ZSWIM9: variants seen among roughly 807,000 people sequenced by gnomAD.
ZSWIM9 encodes the protein uncharacterized protein ZSWIM9.
ZSWIM9 carries 11 observed loss-of-function variants against 25.0 expected under a neutral mutation model. The ratio of observed to expected loss-of-function variants is 0.44; its 90% CI spans 0.28 to 0.73. The LOEUF (loss-of-function observed/expected upper bound fraction) is 0.73, where lower values mean the gene tolerates loss of function less well. Ranked by LOEUF, ZSWIM9 falls within the 30% of genes least tolerant of loss-of-function variation. The probability of loss-of-function intolerance (pLI) is 0.16; values close to 1 mark genes in which losing one functional copy is unlikely to be tolerated. For synonymous variants in ZSWIM9, 562 were observed against 582.1 expected, an observed-to-expected ratio of 0.97 and a Z score of 0.50; for missense variants, 1,070 against 1,296.5, an observed-to-expected ratio of 0.83 and a Z score of 2.68.
At chr19:48,192,102 C>T (rs191817782) in intron 3 of ZSWIM9, 2 of 154,396 alleles carry the variant, frequency 1.3e-5, no homozygotes, top group East Asian at 1.9e-4. Context: ...TTTGCACACC[C>T]GAAACCTTCT....
Position 48,195,035 on chromosome 19 carries a change from C to G in ZSWIM9, c.971C>G (p.Thr324Arg). ...VQICRAQGLE[T>R]LFSKAQELGG... ...ATCTGCCGCGCGCAGGGCCTGGAGA[C>G]GCTCTTCAGCAAGGCGCAGGAGCTG... Residue 324 changes from threonine (T) to arginine (R), a missense_variant, in exon 4 of 4, where the codon ACG (threonine) becomes AGG (arginine). Coordinates refer to ENST00000614654, the MANE Select transcript of ZSWIM9 (RefSeq NM_199341.4). The surrounding 1 kb of genome is among the most constrained non-coding windows in gnomAD (Gnocchi z 5.8). The G allele has an allele frequency of 7.2e-7, 1 of 1,380,006 alleles. No homozygotes were observed. The highest frequency in any genetic ancestry group is 1.5e-5 in the South Asian group (1 of 68,650). The allele number at this position is 1,380,006 out of a possible 1,614,324, so 85.5% of individuals were successfully genotyped here. A position where few individuals can be genotyped will look rare whatever the true frequency, so the allele number is the denominator to read the frequency against.
chr19:48,182,958 G>A lies in ZSWIM9; in HGVS notation c.588+191G>A. On this transcript the variant is annotated intron_variant, in intron 3 of 3. Coordinates refer to ENST00000614654, the MANE Select transcript of ZSWIM9 (RefSeq NM_199341.4). This position sits in a 1 kb window ranked among gnomAD's most constrained non-coding sequence, Gnocchi z 4.6. ...AGCAAACCAGACCCACGTGGTCTCTGTCCGCAGAGAGCTTACCTTCTAGGG... is the reference window on the plus strand; with the variant it reads ...AGCAAACCAGACCCACGTGGTCTCTATCCGCAGAGAGCTTACCTTCTAGGG... 1 of 595,928 alleles carries A rather than the reference G, an allele frequency of 1.7e-6. No homozygotes were observed. The highest frequency in any genetic ancestry group is 3.0e-6 in the Non-Finnish European group (1 of 335,500). The allele number at this position is 595,928 out of a possible 1,614,324, so 36.9% of individuals were successfully genotyped here.
At chr19:48,172,683 A>G (rs1212666161) in intron 2 of ZSWIM9, among the ~76,000 whole-genome samples, 1 of 151,950 alleles carries the variant, frequency 6.6e-6, no homozygotes, top group African/African-American at 2.4e-5. Flanking sequence ...CGCCTGGCCA[A>G]TTTTTGGATT....
intron 3 of ZSWIM9, chr19:48,187,591 A>ATATTATATATTATAT (rs1568579931): frequency 7.3e-5 from 3 of 40,894 alleles, no homozygotes; most frequent in East Asian, 1.2e-3. Context: ...TATATTATAT[A>ATATTATATATTATAT]ATATAATATT....
chr19:48,195,828 A>C lies in ZSWIM9; in HGVS notation c.1764A>C (p.Arg588Ser). The part of the protein sequence containing the change: ...RGSQLEDQAL[R>S]GLEGYTWRVA... The stretch of plus-strand genomic sequence containing the variant: ...CCCAGTTGGAGGACCAGGCGCTAAG[A>C]GGATTGGAAGGGTATACCTGGAGGG... Residue 588 changes from arginine (R) to serine (S), a missense_variant, in exon 4 of 4, where the codon AGA becomes AGC. This residue lies in a region of ZSWIM9 where 583 missense variants were observed against 624.7 expected (regional missense o/e 0.93). Coordinates refer to ENST00000614654, the MANE Select transcript of ZSWIM9 (RefSeq NM_199341.4). This position sits in a 1 kb window ranked among gnomAD's most constrained non-coding sequence, Gnocchi z 5.8. The C allele has an allele frequency of 6.8e-7, 1 of 1,476,394 alleles. No homozygotes were observed. Among genetic ancestry groups the C allele is most frequent in the African/African-American group, 1.4e-5 (1 of 70,086 alleles). The allele number at this position is 1,476,394 out of a possible 1,614,324, so 91.5% of individuals were successfully genotyped here.
intron 3 of ZSWIM9, among the ~76,000 whole-genome samples, chr19:48,187,939 AATAGATAGATAGATAGATAG>A (rs58658973): frequency 0.018 from 2,587 of 140,260 alleles, 82 homozygotes; most frequent in African/African-American, 0.064. Context: ...AGACCCTTTA[AATAGATAGATAGATAGATAG>A]ATAGATAGAT....
Position 48,192,928 on chromosome 19 carries a change from G to A in ZSWIM9, c.589-1725G>A, listed in dbSNP as rs76879481. 1.0e-2 allele frequency: 1,542 copies of A among 154,564 alleles called. 19 individuals carry two copies. The highest frequency in any genetic ancestry group is 0.062 in the Middle Eastern group (112 of 1,792). 9.6% of individuals were successfully genotyped at this position (154,564 alleles called of 1,614,324 possible). On this transcript the variant is annotated intron_variant, in intron 3 of 3. Transcript: ENST00000614654. ...AGACCAGCATGAGCTGCCAGATGTC[G>A]TCTCTCAGTGAAGTCCCATGGACAG...
rs2123249058 is a variant in ZSWIM9, at chr19:48,182,303, C to A, written c.276-152C>A. The A allele has an allele frequency of 1.5e-6, 1 of 664,656 alleles. No homozygotes were observed. Among genetic ancestry groups the A allele is most frequent in the Non-Finnish European group, 2.5e-6 (1 of 397,510 alleles). 41.2% of individuals were successfully genotyped at this position (664,656 alleles called of 1,614,324 possible). A position where few individuals can be genotyped will look rare whatever the true frequency, so the allele number is the denominator to read the frequency against. ...AGGCATAGAGACTTGAAGTGACTTGCCCCAGGTCACACAGCTGGCATATTC... is the reference window on the plus strand; with the variant it reads ...AGGCATAGAGACTTGAAGTGACTTGACCCAGGTCACACAGCTGGCATATTC... On this transcript the variant is annotated intron_variant, in intron 2 of 3. Coordinates refer to ENST00000614654, the MANE Select transcript of ZSWIM9 (RefSeq NM_199341.4). The surrounding 1 kb of genome is among the most constrained non-coding windows in gnomAD (Gnocchi z 4.6).
In ZSWIM9 at chr19:48,195,662, C is replaced by T; in HGVS notation, c.1598C>T (p.Pro533Leu). 3 of 1,427,158 alleles carry T rather than the reference C, an allele frequency of 2.1e-6. No individual in the cohort carries two copies. Among genetic ancestry groups the T allele is most frequent in the Non-Finnish European group, 2.7e-6 (3 of 1,097,260 alleles). 88.4% of individuals were successfully genotyped at this position (1,427,158 alleles called of 1,614,324 possible). Residue 533 changes from proline (P) to leucine (L), a missense_variant, in exon 4 of 4, where the codon CCG (proline) becomes CTG (leucine). Around this residue, in one of 4 missense-constraint regions of ZSWIM9, gnomAD observed 583 missense variants for 624.7 expected, o/e 0.93. Coordinates refer to ENST00000614654, the MANE Select transcript of ZSWIM9 (RefSeq NM_199341.4). The surrounding 1 kb of genome is among the most constrained non-coding windows in gnomAD (Gnocchi z 5.8). Reference sequence around the variant, plus strand: ...GGGGGTCGGTTGGAGAATCAGAAGCCGAGGGGACTGGAAGGGGGTGTCTTG... The same window carrying T: ...GGGGGTCGGTTGGAGAATCAGAAGCTGAGGGGACTGGAAGGGGGTGTCTTG... ...WRGGRLENQK[P>L]RGLEGGVLRG...
chr19:48,172,841 C>T (rs1238600522), intron 2 of ZSWIM9, among the ~76,000 whole-genome samples: 4 of 151,954 alleles, frequency 2.6e-5, no homozygotes, highest in African/African-American at 4.8e-5. Flanking sequence ...ATAGAGACTT[C>T]GAGAGGCAGA....
rs2037140149 is a variant in ZSWIM9, at chr19:48,195,004, G to A, written c.940G>A (p.Val314Met). 1 of 1,355,094 alleles carries A rather than the reference G, an allele frequency of 7.4e-7. No individual in the cohort carries two copies. Among genetic ancestry groups the A allele is most frequent in the Non-Finnish European group, 9.4e-7 (1 of 1,061,026 alleles). The allele number at this position is 1,355,094 out of a possible 1,614,324, so 83.9% of individuals were successfully genotyped here. Residue 314 changes from valine to methionine, a missense_variant, in exon 4 of 4, where the codon GTG becomes ATG. Physicochemically the swap from Val to Met is conservative, Grantham distance 21. Transcript: ENST00000614654. The surrounding 1 kb of genome is among the most constrained non-coding windows in gnomAD (Gnocchi z 5.8). ...GCGCCAGCTGCTGCCCTGCGCGCGC[G>A]TGCAGATCTGCCGCGCGCAGGGCCT... ...AVRQLLPCARVQICRAQGLET... is the reference protein window; with the variant it reads ...AVRQLLPCARMQICRAQGLET...
chr19:48,172,131 G>A, intron 2 of ZSWIM9, 54 bp downstream of exon 2: 2 of 1,371,818 alleles, frequency 1.5e-6, no homozygotes, highest in Non-Finnish European at 2.0e-6. Flanking sequence ...ACCGGGGGTG[G>A]GTGTGGGTGG....
At chr19:48,187,142 T>A (rs1479898578) in intron 3 of ZSWIM9, among the ~76,000 whole-genome samples, 1 of 150,172 alleles carries the variant, frequency 6.7e-6, no homozygotes, top group East Asian at 2.0e-4. Context: ...GGGATTAGCA[T>A]GTCCAGCTGC....
At position 48,171,810 on chromosome 19, in the gene ZSWIM9, G is replaced by A. The variant is rs747027079; in HGVS notation, c.8G>A (p.Arg3Gln). Residue 3 changes from arginine (R) to glutamine (Q), a missense_variant, in exon 2 of 4, where the codon CGG (arginine) becomes CAG (glutamine). This residue lies in a region of ZSWIM9 where 265 missense variants were observed against 339.0 expected (regional missense o/e 0.78). Coordinates refer to ENST00000614654, the MANE Select transcript of ZSWIM9 (RefSeq NM_199341.4). ...TCCACGCAGGCCCCCAGGATGGAGC[G>A]GCCGGAGCCCCCACCCGGCACGGCT... Reference protein sequence around the residue: MERPEPPPGTAAG... With the variant: MEQPEPPPGTAAG... 14 of 1,532,110 alleles carry A rather than the reference G, an allele frequency of 9.1e-6. No homozygotes were observed. The highest frequency in any genetic ancestry group is 1.4e-5 in the African/African-American group (1 of 72,984). The allele number at this position is 1,532,110 out of a possible 1,614,324, so 94.9% of individuals were successfully genotyped here.
At chr19:48,192,779 C>T (rs1204092332) in intron 3 of ZSWIM9, among the ~76,000 whole-genome samples, 1 of 151,870 alleles carries the variant, frequency 6.6e-6, no homozygotes, top group Non-Finnish European at 1.5e-5. Flanking sequence ...GTCAAGGCTA[C>T]AGTTTATTAC....
chr19:48,195,201 C>A lies in ZSWIM9; in HGVS notation c.1137C>A (p.Arg379=). 1 of 1,526,394 alleles carries A rather than the reference C, an allele frequency of 6.6e-7. No individual in the cohort carries two copies. Among genetic ancestry groups the A allele is most frequent in the Middle Eastern group, 1.8e-4 (1 of 5,674 alleles). 94.6% of individuals were successfully genotyped at this position (1,526,394 alleles called of 1,614,324 possible). Residue 379 remains arginine (R), a synonymous_variant, in exon 4 of 4, where the codon CGC becomes CGA. Coordinates refer to ENST00000614654, the MANE Select transcript of ZSWIM9 (RefSeq NM_199341.4). This position sits in a 1 kb window ranked among gnomAD's most constrained non-coding sequence, Gnocchi z 5.8. Reference sequence around the variant, plus strand: ...CCGCCTTCGTGGACTACTTCGAGCGCAACTGGGAGCCCCGCCGCGACATGT... The same window carrying A: ...CCGCCTTCGTGGACTACTTCGAGCGAAACTGGGAGCCCCGCCGCGACATGT... ...GPAAFVDYFE[R]NWEPRRDMWV... is the part of the protein sequence containing the mutation.
chr19:48,182,489 G>A lies in ZSWIM9; in HGVS notation c.310G>A (p.Val104Ile), dbSNP rs1312282109. ...GCCCGGCTGCCCCGCCTTCATCATC[G>A]TCAAGCTGAGCCCGCTGCGGGACCG... The part of the protein sequence containing the change: ...PQPGCPAFII[V>I]KLSPLRDRLV... The change falls in exon 3 of 4, where the codon GTC becomes ATC. Residue 104 changes from valine (V) to isoleucine (I), a missense_variant. Transcript: ENST00000614654. This position sits in a 1 kb window ranked among gnomAD's most constrained non-coding sequence, Gnocchi z 4.6. The A allele has an allele frequency of 9.1e-6, 14 of 1,535,350 alleles. No homozygotes were observed. The highest frequency in any genetic ancestry group is 2.0e-5 in the Admixed American group (1 of 50,950).
chr19:48,195,509 A>C lies in ZSWIM9; in HGVS notation c.1445A>C (p.Lys482Thr). 7.1e-7 allele frequency: 1 copy of C among 1,412,358 alleles called. No individual in the cohort carries two copies. Among genetic ancestry groups the C allele is most frequent in the Non-Finnish European group, 9.2e-7 (1 of 1,090,286 alleles). The allele number at this position is 1,412,358 out of a possible 1,614,324, so 87.5% of individuals were successfully genotyped here. A position where few individuals can be genotyped will look rare whatever the true frequency, so the allele number is the denominator to read the frequency against. Residue 482 changes from lysine to threonine, a missense_variant, in exon 4 of 4, where the codon AAA becomes ACA. Lys to Thr is a moderately conservative substitution (Grantham distance 78). Coordinates refer to ENST00000614654, the MANE Select transcript of ZSWIM9 (RefSeq NM_199341.4). The surrounding 1 kb of genome is among the most constrained non-coding windows in gnomAD (Gnocchi z 5.8). ...ACAGGCGACTGGGGAGGGGCTCCGAAAGAAGGAAGTATTTGGAGGGGAGCC... is the reference window on the plus strand; with the variant it reads ...ACAGGCGACTGGGGAGGGGCTCCGACAGAAGGAAGTATTTGGAGGGGAGCC... ...LETGDWGGAP[K>T]EGSIWRGAQM...
chr19:48,196,593 C>G lies in ZSWIM9; in HGVS notation c.2529C>G (p.Ala843=). 8.1e-7 allele frequency: 1 copy of G among 1,232,422 alleles called. No individual in the cohort carries two copies. The highest frequency in any genetic ancestry group is 4.1e-5 in the South Asian group (1 of 24,316). 76.3% of individuals were successfully genotyped at this position (1,232,422 alleles called of 1,614,324 possible). ...ELADLVAEEL[A]FARQHGTRGF... is the part of the protein sequence containing the mutation. ...CAGACCTGGTGGCTGAGGAGTTGGC[C>G]TTTGCTAGGCAGCATGGGACCCGGG... is the stretch of plus-strand genomic sequence containing the variant. The change falls in exon 4 of 4, where the codon GCC becomes GCG. Residue 843 remains alanine, a synonymous_variant. Transcript: ENST00000614654.
Sources: allele counts gnomAD v4.1 joint callset (sites outside exome capture counted in the v4.1 genomes callset), GRCh38; gene constraint gnomAD v4.1.1; regional missense constraint gnomAD v4.1.1; non-coding constraint Gnocchi (gnomAD v3.1); transcripts MANE v1.5; gene names NCBI Gene and HGNC (gene_info 2026-07-23, HGNC 2026-07-21).